FHIT: variants seen among roughly 807,000 people sequenced by gnomAD.
FHIT encodes the protein fragile histidine triad diadenosine triphosphatase, also known as bis(5'-adenosyl)-triphosphatase.
Under a neutral mutation model 17.9 loss-of-function variants are expected in FHIT, and 19 were observed. The observed-to-expected ratio is 1.06, with a 90% CI of 0.74 to 1.56. The LOEUF is 1.56. Ranked by LOEUF, FHIT falls within the 40% of genes most tolerant of loss-of-function variation. The pLI is 0.00. For missense variants in FHIT, 248 were observed against 189.2 expected, an observed-to-expected ratio of 1.31 and a Z score of -1.82; for synonymous variants, 81 against 69.7, an observed-to-expected ratio of 1.16 and a Z score of -0.81.
intron 3 of FHIT, among the ~76,000 whole-genome samples, chr3:60,847,840 T>C (rs1366889292): frequency 6.6e-6 from 1 of 152,194 alleles, no homozygotes; most frequent in Non-Finnish European, 1.5e-5. Flanking sequence ...GGTCCCCGTA[T>C]GAACTCCCTC....
intron 5 of FHIT, among the ~76,000 whole-genome samples, chr3:60,118,502 G>C (rs945333168): frequency 1.3e-5 from 2 of 151,842 alleles, no homozygotes; most frequent in South Asian, 2.1e-4. Context: ...ATATGTCAAG[G>C]GGTGACTGAC....
rs1377819795 is a variant in FHIT at position 61,044,336 on chromosome 3, G to C, written c.-163-2237C>G. Among the ~76,000 whole-genome samples, 7 of 152,196 alleles carry C rather than the reference G, an allele frequency of 4.6e-5. 1 individual carries two copies. Among genetic ancestry groups the C allele is most frequent in the Admixed American group, 4.6e-4 (7 of 15,284 alleles). On this transcript the variant is annotated intron_variant, in intron 2 of 9. Coordinates refer to ENST00000492590, the MANE Select transcript of FHIT (RefSeq NM_002012.4). ...ATGGCTCAAGAACTACATGACACAT[G>C]CACAAGTTTCGGTAGCCAATTCGAT... is the stretch of plus-strand genomic sequence containing the variant.
At chr3:60,221,912 A>G (rs1412103813) in intron 5 of FHIT, among the ~76,000 whole-genome samples, 1 of 151,740 alleles carries the variant, frequency 6.6e-6, no homozygotes, top group Non-Finnish European at 1.5e-5. Context: ...TTGTTTTTTC[A>G]GCATGATTTC....
At chr3:60,750,456 T>A (rs543653827) in intron 4 of FHIT, among the ~76,000 whole-genome samples, 2 of 152,180 alleles carry the variant, frequency 1.3e-5, no homozygotes, top group South Asian at 4.2e-4. Context: ...CAGGAGGTGA[T>A]TGAATTATGG....
chr3:60,860,372 T>C (rs564449328), intron 3 of FHIT, among the ~76,000 whole-genome samples: 1 of 145,518 alleles, frequency 6.9e-6, no homozygotes, highest in African/African-American at 2.7e-5. Flanking sequence ...ATACATCATA[T>C]GTATACATGA....
At chr3:60,416,944 C>T (rs1307780267) in intron 5 of FHIT, among the ~76,000 whole-genome samples, 1 of 151,894 alleles carries the variant, frequency 6.6e-6, no homozygotes, top group Non-Finnish European at 1.5e-5. Flanking sequence ...AAAAAATTAG[C>T]CGGGCGTGGT....
At chr3:60,451,160 T>A (rs902261745) in intron 5 of FHIT, among the ~76,000 whole-genome samples, 1 of 109,068 alleles carries the variant, frequency 9.2e-6, no homozygotes, top group Non-Finnish European at 2.2e-5. Flanking sequence ...ATTTTTACTT[T>A]ATTTTTTTTA....
chr3:60,184,411 C>A (rs1702076327), intron 5 of FHIT, among the ~76,000 whole-genome samples: 1 of 152,058 alleles, frequency 6.6e-6, no homozygotes, highest in Non-Finnish European at 1.5e-5. Context: ...TTTCTTATGA[C>A]CTTAATAGTA....
intron 4 of FHIT, among the ~76,000 whole-genome samples, chr3:60,645,579 C>T (rs918147878): frequency 6.6e-6 from 1 of 152,150 alleles, no homozygotes; most frequent in African/African-American, 2.4e-5. Flanking sequence ...CTTGTCTCCT[C>T]TGGACTCATA....
At chr3:60,691,770 C>T (rs2040997480) in intron 4 of FHIT, among the ~76,000 whole-genome samples, 1 of 152,156 alleles carries the variant, frequency 6.6e-6, no homozygotes, top group African/African-American at 2.4e-5. Context: ...TAATCCATCT[C>T]CTTTTCCAAA....
At chr3:60,423,024 A>C (rs1292567475) in intron 5 of FHIT, among the ~76,000 whole-genome samples, 1 of 152,188 alleles carries the variant, frequency 6.6e-6, no homozygotes. Flanking sequence ...ACTAAAAAGA[A>C]ATATTAGAAT....
intron 8 of FHIT, among the ~76,000 whole-genome samples, chr3:59,888,842 G>A (rs1703734093): frequency 6.6e-6 from 1 of 152,156 alleles, no homozygotes; most frequent in Non-Finnish European, 1.5e-5. Flanking sequence ...TTGGCTCATG[G>A]TTCTGGAGGC....
chr3:59,939,465 T>C (rs1706402825), intron 7 of FHIT, among the ~76,000 whole-genome samples: 1 of 152,130 alleles, frequency 6.6e-6, no homozygotes, highest in African/African-American at 2.4e-5. Flanking sequence ...ACTTTCAGCA[T>C]GGATGCTCCC....
intron 3 of FHIT, among the ~76,000 whole-genome samples, chr3:60,906,752 G>T (rs1706448148): frequency 6.6e-6 from 1 of 152,154 alleles, no homozygotes; most frequent in African/African-American, 2.4e-5. Flanking sequence ...ACTTCATTGA[G>T]CTGTGTGCTT....
At chr3:61,132,823 A>C (rs1297936706) in intron 2 of FHIT, among the ~76,000 whole-genome samples, 1 of 152,178 alleles carries the variant, frequency 6.6e-6, no homozygotes, top group Non-Finnish European at 1.5e-5. Flanking sequence ...AGCACAAGGG[A>C]GCTATCGATG....
chr3:60,595,578 C>A (rs543734498), intron 4 of FHIT, among the ~76,000 whole-genome samples: 1 of 149,630 alleles, frequency 6.7e-6, no homozygotes, highest in African/African-American at 2.5e-5. Flanking sequence ...TATATATATA[C>A]GCACATACGT....
At chr3:60,585,196 CCTATAA>C (rs1321467582) in intron 4 of FHIT, among the ~76,000 whole-genome samples, 2 of 151,868 alleles carry the variant, frequency 1.3e-5, no homozygotes, top group African/African-American at 2.4e-5. Flanking sequence ...AGCTGAGTGG[CCTATAA>C]CTAATTCTGA....
chr3:59,854,731 T>C (rs985774252), intron 8 of FHIT, among the ~76,000 whole-genome samples: 1 of 152,068 alleles, frequency 6.6e-6, no homozygotes, highest in Admixed American at 6.6e-5. Flanking sequence ...TGAACCGAGG[T>C]CCAGGAAACT....
At chr3:59,953,499 G>A (rs979989664) in intron 7 of FHIT, among the ~76,000 whole-genome samples, 7 of 152,212 alleles carry the variant, frequency 4.6e-5, no homozygotes, top group Non-Finnish European at 7.4e-5. Context: ...GCATTGCCAC[G>A]CAGACGCCTA....
Sources: allele counts gnomAD v4.1 joint callset (sites outside exome capture counted in the v4.1 genomes callset), GRCh38; gene constraint gnomAD v4.1.1; transcripts MANE v1.5; gene names NCBI Gene and HGNC (gene_info 2026-07-23, HGNC 2026-07-21).